Variants in AK5 observed in about 807,000 individuals in gnomAD.
AK5 encodes adenylate kinase 5.
In AK5, 27 loss-of-function variants were observed where a neutral mutation model predicts 69.5. The observed-to-expected ratio is 0.39, with a 90% CI of 0.29 to 0.54. AK5 has a LOEUF of 0.54. Among genes scored for constraint, AK5 ranks in the 20% least tolerant of loss-of-function variants. AK5 has a pLI of 0.71. For missense variants in AK5, 531 were observed against 700.4 expected (o/e 0.76, Z 2.73); for synonymous variants, 260 against 244.4 (o/e 1.06, Z -0.60).
chr1:77,424,418 G>C (rs1238943118), intron 8 of AK5, among the ~76,000 whole-genome samples: 1 of 152,010 alleles, frequency 6.6e-6, no homozygotes, highest in Non-Finnish European at 1.5e-5. Context: ...ACACCACCAT[G>C]CCTGGCTAAT....
chr1:77,517,552 G>A (rs10873946), intron 10 of AK5, among the ~76,000 whole-genome samples: 86,613 of 151,982 alleles, frequency 0.57, 25,290 homozygotes, highest in Non-Finnish European at 0.63. Flanking sequence ...AACCTTGTAC[G>A]TAATACCTAA....
At chr1:77,338,011 C>G (rs895985023) in intron 5 of AK5, among the ~76,000 whole-genome samples, 1 of 149,352 alleles carries the variant, frequency 6.7e-6, no homozygotes, top group African/African-American at 2.5e-5. Context: ...GTCACCCAGG[C>G]TGGAGTGCAA....
chr1:77,354,329 A>G (rs574737748), intron 6 of AK5, among the ~76,000 whole-genome samples: 2 of 152,274 alleles, frequency 1.3e-5, no homozygotes, highest in South Asian at 2.1e-4. Context: ...TTTCTAGCTA[A>G]TGGGGGGGTA....
At chr1:77,304,617 C>G (rs1659534928) in intron 5 of AK5, among the ~76,000 whole-genome samples, 1 of 152,236 alleles carries the variant, frequency 6.6e-6, no homozygotes, top group South Asian at 2.1e-4. Flanking sequence ...GTTGGTCAGG[C>G]TGGTCTCGAA....
intron 5 of AK5, among the ~76,000 whole-genome samples, chr1:77,327,274 C>G (rs1215139926): frequency 6.6e-6 from 1 of 151,898 alleles, no homozygotes; most frequent in African/African-American, 2.4e-5. Context: ...CACCAGTAGT[C>G]CCAGCTATTC....
rs141708965 is a variant in AK5 at position 77,447,704 on chromosome 1, A to C, written c.1059+29989A>C. On this transcript the variant is annotated intron_variant, in intron 8 of 13. Transcript: ENST00000354567. ...GATAACACAATAGTATCACTGCCTA[A>C]TAAAGAAAAGGAATTAGAACTCAGG... Among the ~76,000 whole-genome samples the C allele has an allele frequency of 2.4e-4, 37 of 152,356 alleles. No individual in the cohort carries two copies. In the East Asian group the frequency reaches 5.2e-3, roughly 21 times the overall value.
At chr1:77,419,230 T>A (rs1256998131) in intron 8 of AK5, among the ~76,000 whole-genome samples, 2 of 152,216 alleles carry the variant, frequency 1.3e-5, no homozygotes, top group African/African-American at 4.8e-5. Flanking sequence ...CAAAGACAGG[T>A]CATTCAATGA....
chr1:77,440,278 A>C (rs1377213508), intron 8 of AK5, among the ~76,000 whole-genome samples: 1 of 152,140 alleles, frequency 6.6e-6, no homozygotes, highest in African/African-American at 2.4e-5. Context: ...ATTTTTTGCC[A>C]TTCTTTGAAT....
intron 6 of AK5, among the ~76,000 whole-genome samples, chr1:77,375,382 A>G (rs538676575): frequency 3.9e-5 from 6 of 152,306 alleles, no homozygotes; most frequent in African/African-American, 1.4e-4. Context: ...CAGTAAATGC[A>G]GGAAAAGGAC....
intron 7 of AK5, among the ~76,000 whole-genome samples, chr1:77,412,794 T>C (rs1320166639): frequency 6.6e-6 from 1 of 152,124 alleles, no homozygotes; most frequent in Non-Finnish European, 1.5e-5. Context: ...CTCCTATGAA[T>C]GGCATCCAAT....
chr1:77,531,984 G>C (rs1016280401), intron 12 of AK5: 1 of 112,924 alleles, frequency 8.9e-6, no homozygotes, highest in African/African-American at 2.6e-5. Context: ...CACTGCCTGC[G>C]GCCATCCGGC....
chr1:77,505,241 C>T (rs1446028399), intron 10 of AK5, among the ~76,000 whole-genome samples: 3 of 152,142 alleles, frequency 2.0e-5, no homozygotes, highest in South Asian at 2.1e-4. Context: ...CAGATAATCT[C>T]GAAGTTCTCT....
chr1:77,354,820 A>T (rs74090476), intron 6 of AK5, among the ~76,000 whole-genome samples: 1,832 of 152,314 alleles, frequency 0.012, 43 homozygotes, highest in African/African-American at 0.042. Flanking sequence ...AATTTCCACA[A>T]TTGCTGTCAA....
intron 13 of AK5, 92 bp from the exon 14 acceptor site, chr1:77,558,510 G>C (rs1660247975): frequency 1.2e-6 from 1 of 810,752 alleles, no homozygotes; most frequent in African/African-American, 1.7e-5. Context: ...ATTTTGCAGA[G>C]CAAATTATGA....
At chr1:77,331,074 TA>T (rs1217066100) in intron 5 of AK5, among the ~76,000 whole-genome samples, 1 of 151,384 alleles carries the variant, frequency 6.6e-6, no homozygotes, top group Non-Finnish European at 1.5e-5. Flanking sequence ...TATACAAAAA[TA>T]TAATATAATT....
At chr1:77,379,793 A>T (rs1647497440) in intron 6 of AK5, among the ~76,000 whole-genome samples, 1 of 152,212 alleles carries the variant, frequency 6.6e-6, no homozygotes, top group Admixed American at 6.5e-5. Context: ...ATTGCATGGT[A>T]ATTTTTCTCA....
chr1:77,347,715 G>A (rs1047158026), intron 6 of AK5, among the ~76,000 whole-genome samples: 1 of 152,144 alleles, frequency 6.6e-6, no homozygotes, highest in African/African-American at 2.4e-5. Context: ...ATATAGCAAA[G>A]TATATCATCC....
chr1:77,368,256 A>AT (rs1319625138), intron 6 of AK5, among the ~76,000 whole-genome samples: 1 of 97,636 alleles, frequency 1.0e-5, no homozygotes, highest in African/African-American at 3.4e-5. Context: ...TATATATAAT[A>AT]TATATGTTAT....
Position 77,415,746 on chromosome 1 carries a change from T to A in AK5, c.983-1893T>A, listed in dbSNP as rs2100578699. ...CCAGGTCCTTTCCTGCAGAGCACTG[T>A]AGCGAAAGAGGGTCTGTATAAACCC... On this transcript the variant is annotated intron_variant, in intron 7 of 13. Coordinates refer to ENST00000354567, the MANE Select transcript of AK5 (RefSeq NM_174858.3). 1.3e-5 allele frequency among the ~76,000 whole-genome samples: 2 copies of A among 152,296 alleles called. 1 individual carries two copies. The highest frequency in any genetic ancestry group is 4.1e-4 in the South Asian group (2 of 4,822).
Sources: gnomAD v4.1 joint callset for allele counts (sites outside exome capture counted in the v4.1 genomes callset) on GRCh38, gnomAD v4.1.1 for gene constraint, MANE v1.5 for transcripts, NCBI Gene and HGNC (gene_info 2026-07-23, HGNC 2026-07-21) for gene names.